CALN1: variants seen among roughly 807,000 people sequenced by gnomAD.
CALN1 encodes the protein calcium-binding protein 8.
In CALN1, 17 loss-of-function variants were observed where a neutral mutation model predicts 30.6. The ratio of observed to expected loss-of-function variants is 0.56; its 90% confidence interval spans 0.38 to 0.83. The LOEUF is 0.83. Among genes scored for constraint, CALN1 ranks in the 40% least tolerant of loss-of-function variants. CALN1 has a pLI of 0.00. For synonymous variants in CALN1, 156 were observed against 131.4 expected, an observed-to-expected ratio of 1.19 and a Z score of -1.28; for missense variants, 291 against 354.9, an observed-to-expected ratio of 0.82 and a Z score of 1.45.
intron 2 of CALN1, among the ~76,000 whole-genome samples, chr7:72,312,454 C>T (rs866196387): frequency 4.7e-5 from 7 of 148,922 alleles, no homozygotes; most frequent in Non-Finnish European, 8.9e-5. Flanking sequence ...TTTTGTTGTT[C>T]ACCCCATGTT....
At chr7:72,271,396 A>G (rs1471804379) in intron 3 of CALN1, among the ~76,000 whole-genome samples, 1 of 151,452 alleles carries the variant, frequency 6.6e-6, no homozygotes, top group African/African-American at 2.4e-5. Context: ...GTGAATATCT[A>G]TCTTCCATTC....
At chr7:72,497,809 A>C in the CALN1 span, among the ~76,000 whole-genome samples, 22 of 152,344 alleles carry the variant, frequency 1.4e-4, no homozygotes, top group African/African-American at 5.1e-4. Context: ...GTGACGACTA[A>C]TAAATAGAGG....
At chr7:72,203,615 AC>A (rs1196522287) in intron 3 of CALN1, among the ~76,000 whole-genome samples, 4 of 152,148 alleles carry the variant, frequency 2.6e-5, no homozygotes, top group African/African-American at 9.7e-5. Context: ...AAGTTTTCCA[AC>A]CAGTTAAAAC....
At chr7:72,019,103 G>A (rs1800566304) in intron 5 of CALN1, among the ~76,000 whole-genome samples, 1 of 151,200 alleles carries the variant, frequency 6.6e-6, no homozygotes, top group South Asian at 2.1e-4. Flanking sequence ...CGCCCACCTC[G>A]GCCTCCCTAA....
intron 4 of CALN1, among the ~76,000 whole-genome samples, chr7:72,056,032 A>G (rs1175903522): frequency 6.6e-6 from 1 of 152,180 alleles, no homozygotes; most frequent in Non-Finnish European, 1.5e-5. Context: ...TTAAAAAATA[A>G]AAGACATTTA....
intron 5 of CALN1, among the ~76,000 whole-genome samples, chr7:72,023,156 T>G (rs781335774): frequency 2.0e-5 from 3 of 152,172 alleles, no homozygotes; most frequent in Non-Finnish European, 4.4e-5. Flanking sequence ...ATAATTACAA[T>G]GTTAGATGTT....
chr7:72,278,904 A>C (rs1201768450), intron 2 of CALN1, 94 bp from the exon 3 acceptor site: 3 of 1,476,424 alleles, frequency 2.0e-6, no homozygotes, highest in Non-Finnish European at 2.8e-6. Flanking sequence ...TCAGATGGCC[A>C]GTGTCATTTT....
intron 4 of CALN1, among the ~76,000 whole-genome samples, chr7:72,046,844 C>A (rs1802505091): frequency 6.6e-6 from 1 of 151,390 alleles, no homozygotes. Flanking sequence ...TCTGGGCAAC[C>A]TAGCAAAATC....
chr7:72,111,177 C>T (rs1563068027), intron 3 of CALN1, among the ~76,000 whole-genome samples: 1 of 152,210 alleles, frequency 6.6e-6, no homozygotes, highest in South Asian at 2.1e-4. Flanking sequence ...TAACCACCTC[C>T]AAGATGTCTT....
At chr7:72,409,519 T>C (rs1806963784) in intron 1 of CALN1, among the ~76,000 whole-genome samples, 1 of 149,206 alleles carries the variant, frequency 6.7e-6, no homozygotes, top group Non-Finnish European at 1.5e-5. Flanking sequence ...ACCTCATTAT[T>C]TCAGCGTCTG....
Position 71,790,368 on chromosome 7 carries a change from A to AAAAGAAAGAAAG in CALN1, c.659-2478_659-2467dup, listed in dbSNP as rs66616944. 2.4e-3 allele frequency among the ~76,000 whole-genome samples: 301 copies of AAAAGAAAGAAAG among 123,786 alleles called. 2 individuals are homozygous for AAAAGAAAGAAAG. The highest frequency in any genetic ancestry group is 0.012 in the Middle Eastern group (3 of 258). The allele number at this position is 123,786 out of a possible 152,430, so 81.2% of individuals were successfully genotyped here. ...AAAGAAAAGAAAGAAAGAAAGAAAGAAAAGAAAGAAAGAAAGAAAGAAAGA... is the reference window on the plus strand; with the variant it reads ...AAAGAAAAGAAAGAAAGAAAGAAAGAAAAGAAAGAAAGAAAGAAAGAAAGAAAGAAAGAAAGA... On this transcript the variant is annotated intron_variant, in intron 6 of 6. Transcript: ENST00000395275.
intron 5 of CALN1, among the ~76,000 whole-genome samples, chr7:71,827,024 G>A (rs375536269): frequency 3.3e-5 from 5 of 152,190 alleles, no homozygotes; most frequent in Non-Finnish European, 4.4e-5. Flanking sequence ...AATGCCAGCC[G>A]GATGCACGTA....
At chr7:72,423,959 G>A (rs1009376157) in intron 1 of CALN1, among the ~76,000 whole-genome samples, 1 of 123,330 alleles carries the variant, frequency 8.1e-6, no homozygotes, top group East Asian at 2.5e-4. Flanking sequence ...AGAAGGGAGG[G>A]AGGGAGGGAG....
intron 1 of CALN1, among the ~76,000 whole-genome samples, chr7:72,434,715 G>A (rs117792957): frequency 0.014 from 2,059 of 152,258 alleles, 24 homozygotes; most frequent in Non-Finnish European, 0.02. Flanking sequence ...TCATCTGAAG[G>A]ACTAAGGACT....
At chr7:71,860,985 C>T (rs530679513) in intron 5 of CALN1, among the ~76,000 whole-genome samples, 1 of 152,174 alleles carries the variant, frequency 6.6e-6, no homozygotes, top group East Asian at 1.9e-4. Flanking sequence ...CAAAGTAACC[C>T]ACATTATTAA....
chr7:71,877,525 T>C (rs866585314), intron 5 of CALN1, among the ~76,000 whole-genome samples: 2 of 152,082 alleles, frequency 1.3e-5, no homozygotes, highest in South Asian at 2.1e-4. Flanking sequence ...TTTTCTCTAA[T>C]TGGGTAACAA....
At chr7:72,261,875 T>C (rs917456580) in intron 3 of CALN1, among the ~76,000 whole-genome samples, 1 of 152,146 alleles carries the variant, frequency 6.6e-6, no homozygotes, top group Non-Finnish European at 1.5e-5. Context: ...TGGCCTTGAA[T>C]GTTAACCAGA....
chr7:72,402,628 A>G (rs1806419749), intron 2 of CALN1, among the ~76,000 whole-genome samples: 1 of 152,206 alleles, frequency 6.6e-6, no homozygotes, highest in African/African-American at 2.4e-5. Context: ...GTCTCCGAGG[A>G]AAAGAAAAAA....
intron 2 of CALN1, among the ~76,000 whole-genome samples, chr7:72,350,462 G>A (rs896371627): frequency 2.0e-5 from 3 of 152,182 alleles, no homozygotes; most frequent in Admixed American, 6.5e-5. Flanking sequence ...AAAAAAGAAT[G>A]AGATCATGTC....
Sources: gnomAD v4.1 joint callset for allele counts (sites outside exome capture counted in the v4.1 genomes callset) on GRCh38, gnomAD v4.1.1 for gene constraint, MANE v1.5 for transcripts, NCBI Gene and HGNC (gene_info 2026-07-23, HGNC 2026-07-21) for gene names.